TRIQK: variants seen among roughly 807,000 people sequenced by gnomAD.
The protein encoded by TRIQK is triple QxxK/R motif containing, also known as triple QxxK/R motif-containing protein.
A neutral mutation model predicts 10.8 loss-of-function variants in TRIQK; 10 were observed. The observed-to-expected ratio is 0.92, with a 90% CI of 0.57 to 1.57. TRIQK has a LOEUF of 1.57. Among genes scored for constraint, TRIQK ranks in the 40% most tolerant of loss-of-function variants. The pLI is 0.00. For synonymous variants in TRIQK, 33 were observed against 33.7 expected (o/e 0.98, Z 0.07); for missense variants, 107 against 97.7 (o/e 1.09, Z -0.40).
intron 3 of TRIQK, among the ~76,000 whole-genome samples, chr8:92,916,570 A>G (rs937627417): frequency 2.0e-5 from 3 of 152,260 alleles, no homozygotes; most frequent in East Asian, 3.9e-4. Context: ...ATTATTGCCA[A>G]TAAGAGTCAA....
At chr8:93,004,908 T>C (rs772055407) in intron 1 of TRIQK, among the ~76,000 whole-genome samples, 27 of 152,214 alleles carry the variant, frequency 1.8e-4, no homozygotes, top group African/African-American at 2.4e-5. Flanking sequence ...TCCATATCAC[T>C]ATCAGTATTT....
intron 1 of TRIQK, among the ~76,000 whole-genome samples, chr8:92,985,442 A>G (rs1216280763): frequency 6.6e-6 from 1 of 152,186 alleles, no homozygotes; most frequent in Non-Finnish European, 1.5e-5. Context: ...CTACCATCAT[A>G]TACTATGGTG....
At chr8:92,900,330 A>G (rs1320017518) in intron 3 of TRIQK, among the ~76,000 whole-genome samples, 3 of 152,066 alleles carry the variant, frequency 2.0e-5, no homozygotes, top group Admixed American at 2.0e-4. Context: ...ACCCAATCCA[A>G]TTTCCTGGAG....
intron 1 of TRIQK, among the ~76,000 whole-genome samples, chr8:93,009,310 T>C (rs1813305690): frequency 6.6e-6 from 1 of 152,110 alleles, no homozygotes; most frequent in Non-Finnish European, 1.5e-5. Flanking sequence ...GAGTGGCTGT[T>C]ATCAAAAAGA....
intron 1 of TRIQK, among the ~76,000 whole-genome samples, chr8:93,012,006 G>A (rs1263545241): frequency 6.6e-6 from 1 of 152,152 alleles, no homozygotes; most frequent in Non-Finnish European, 1.5e-5. Flanking sequence ...GAAAATATTT[G>A]TAAGCTGGAG....
chr8:92,937,261 AAT>A lies in TRIQK; in HGVS notation c.-22+17143_-22+17144del, dbSNP rs962753883. ...AAAACAACTTAAAACATGAAAAATC[AAT>A]AGTCAATATTATTTAGGGAAAAATA... On this transcript the variant is annotated intron_variant, in intron 2 of 4. Transcript: ENST00000521988. Among the ~76,000 whole-genome samples, 41 of 151,966 alleles carry A rather than the reference AAT, an allele frequency of 2.7e-4. 1 individual carries two copies. The highest frequency in any genetic ancestry group is 7.2e-4 in the Admixed American group (11 of 15,250).
intron 2 of TRIQK, chr8:92,921,363 A>C (rs1308389759): frequency 6.6e-6 from 1 of 151,764 alleles, no homozygotes. Flanking sequence ...CTACTCACTA[A>C]AATACATGTT....
chr8:92,923,845 C>A (rs1391959466), intron 2 of TRIQK, among the ~76,000 whole-genome samples: 2 of 151,884 alleles, frequency 1.3e-5, no homozygotes, highest in Non-Finnish European at 2.9e-5. Flanking sequence ...TATTCAATCA[C>A]CTTCCGACCA....
chr8:92,891,791 T>C (rs1816778569), intron 4 of TRIQK, among the ~76,000 whole-genome samples, 198 bp downstream of exon 4: 1 of 151,922 alleles, frequency 6.6e-6, no homozygotes, highest in African/African-American at 2.4e-5. Flanking sequence ...TGACACTGTT[T>C]TAAGACCCTT....
intron 1 of TRIQK, among the ~76,000 whole-genome samples, chr8:92,985,295 G>C (rs906069359): frequency 2.6e-5 from 4 of 152,308 alleles, no homozygotes; most frequent in Admixed American, 2.0e-4. Context: ...AAGAAGAAGA[G>C]AGGGAATGTC....
At chr8:92,963,469 A>C (rs547698572) in intron 1 of TRIQK, 13 of 130,242 alleles carry the variant, frequency 1.0e-4, no homozygotes, top group Admixed American at 9.6e-4. Flanking sequence ...ACTTAAGTTT[A>C]AAAAAAAAAA....
intron 4 of TRIQK, among the ~76,000 whole-genome samples, chr8:92,887,283 T>C (rs1306558058): frequency 1.3e-5 from 2 of 151,408 alleles, no homozygotes; most frequent in Non-Finnish European, 3.0e-5. Flanking sequence ...AATTTTTAAA[T>C]CCTAAAGTCT....
intron 3 of TRIQK, among the ~76,000 whole-genome samples, chr8:92,912,780 G>A (rs1447640553): frequency 6.6e-6 from 1 of 151,642 alleles, no homozygotes; most frequent in Non-Finnish European, 1.5e-5. Context: ...AATGAATCAA[G>A]AAGAAATAGA....
chr8:92,948,308 C>T (rs975988134), intron 2 of TRIQK, among the ~76,000 whole-genome samples: 1 of 152,182 alleles, frequency 6.6e-6, no homozygotes, highest in African/African-American at 2.4e-5. Context: ...ACTTGGAATG[C>T]TGCATCTTCA....
chr8:92,911,742 TA>T (rs1055920331), intron 3 of TRIQK, among the ~76,000 whole-genome samples: 8 of 150,710 alleles, frequency 5.3e-5, no homozygotes, highest in African/African-American at 1.9e-4. Context: ...ATTATAAATT[TA>T]AAAATACACA....
intron 3 of TRIQK, among the ~76,000 whole-genome samples, chr8:92,905,834 C>G (rs942588541): frequency 6.6e-6 from 1 of 151,976 alleles, no homozygotes; most frequent in Non-Finnish European, 1.5e-5. Context: ...AGTGCCATAC[C>G]CCCTTCAGCA....
At chr8:92,976,469 G>A (rs138292560) in intron 1 of TRIQK, among the ~76,000 whole-genome samples, 117 of 151,778 alleles carry the variant, frequency 7.7e-4, no homozygotes, top group African/African-American at 2.6e-3. Flanking sequence ...GCTTTCTTTT[G>A]GTCAGTGTTA....
chr8:93,013,344 T>C (rs1362162814), intron 1 of TRIQK, among the ~76,000 whole-genome samples: 2 of 152,184 alleles, frequency 1.3e-5, no homozygotes, highest in Non-Finnish European at 2.9e-5. Context: ...TAATAGATGG[T>C]TAGCTTCTTG....
chr8:92,919,199 T>C (rs1586423754), intron 2 of TRIQK, among the ~76,000 whole-genome samples: 2 of 152,034 alleles, frequency 1.3e-5, no homozygotes, highest in Admixed American at 1.3e-4. Flanking sequence ...GCTTCAGCTA[T>C]TGGGGATCTT....
Sources: allele counts gnomAD v4.1 joint callset (sites outside exome capture counted in the v4.1 genomes callset), GRCh38; gene constraint gnomAD v4.1.1; transcripts MANE v1.5; gene names NCBI Gene and HGNC (gene_info 2026-07-23, HGNC 2026-07-21).